The following CEP192 variants were observed in gnomAD, a reference collection of about 807,000 sequenced individuals.
The protein encoded by CEP192 is centrosomal protein of 192 kDa.
Under a neutral mutation model 271.8 loss-of-function variants are expected in CEP192, and 151 were observed. That is an observed-to-expected ratio of 0.56 (90% CI 0.49 to 0.64). The LOEUF is 0.64. Among genes scored for constraint, CEP192 ranks in the 30% least tolerant of loss-of-function variants. CEP192 has a pLI of 0.00. For synonymous variants in CEP192, 995 were observed against 1,076.5 expected (o/e 0.92, Z 1.48); for missense variants, 2,910 against 3,020.5 (o/e 0.96, Z 0.86).
rs2035507974 is a variant in CEP192, at chr18:13,029,725, T to C, written c.1113T>C (p.Ser371=). ...GGGCTATTGATGTGAAACTTAACTC[T>C]GATAATTTTCATGATGCAAATGCCA... ...TLRAIDVKLN[S]DNFHDANANR... Residue 371 remains serine, a synonymous_variant, in exon 10 of 45, where the codon TCT becomes TCC. Coordinates refer to ENST00000506447, the MANE Select transcript of CEP192 (RefSeq NM_032142.4). The C allele has an allele frequency of 1.3e-6, 2 of 1,551,492 alleles. No homozygotes were observed. Among genetic ancestry groups the C allele is most frequent in the Non-Finnish European group, 1.7e-6 (2 of 1,146,794 alleles).
At chr18:12,998,483 C>T (rs919729406) in intron 1 of CEP192, among the ~76,000 whole-genome samples, 1 of 152,168 alleles carries the variant, frequency 6.6e-6, no homozygotes, top group African/African-American at 2.4e-5. Context: ...TGTTTCTTCA[C>T]CTGTAAAATG....
At position 13,038,405 on chromosome 18, in the gene CEP192, A is replaced by C; in HGVS notation, c.1635A>C (p.Ala545=). 6.4e-7 allele frequency: 1 copy of C among 1,551,672 alleles called. No homozygotes were observed. Among genetic ancestry groups the C allele is most frequent in the Non-Finnish European group, 8.7e-7 (1 of 1,146,944 alleles). ...TAGATGCTCATAATACTTCGGTTGC[A>C]CTGGGCGATACGTCCTGGGGAGCTA... The part of the protein sequence containing the change: ...ENIDAHNTSV[A]LGDTSWGATI... The change falls in exon 13 of 45, where the codon GCA becomes GCC. Residue 545 remains alanine (A), a synonymous_variant. Transcript: ENST00000506447.
At chr18:13,053,335 G>C (rs2036904267) in intron 18 of CEP192, among the ~76,000 whole-genome samples, 1 of 152,220 alleles carries the variant, frequency 6.6e-6, no homozygotes, top group Admixed American at 6.5e-5. Flanking sequence ...GTAATGAAGT[G>C]CATCATGCTG....
intron 44 of CEP192, among the ~76,000 whole-genome samples, chr18:13,121,177 C>G (rs899900993): frequency 3.9e-5 from 6 of 152,222 alleles, no homozygotes; most frequent in Non-Finnish European, 7.3e-5. Context: ...GGCAGTGCAA[C>G]AAAATCTGTG....
intron 1 of CEP192, 54 bp from the exon 2 acceptor site, chr18:12,999,367 T>C: frequency 7.6e-7 from 1 of 1,310,102 alleles, no homozygotes; most frequent in Non-Finnish European, 1.0e-6. Flanking sequence ...TTTTAATCAT[T>C]TAAAAACATT....
Position 13,077,385 on chromosome 18 carries a change from A to G in CEP192, c.5616+4200A>G, listed in dbSNP as rs186978261. 1.4e-3 allele frequency among the ~76,000 whole-genome samples: 209 copies of G among 152,326 alleles called. 1 individual carries two copies. In the Middle Eastern group the frequency reaches 0.02, roughly 15 times the overall value. On this transcript the variant is annotated intron_variant, in intron 30 of 44. Coordinates refer to ENST00000506447, the MANE Select transcript of CEP192 (RefSeq NM_032142.4). ...ATTTTTGAATTAGGGATGTTCAGCC[A>G]GTATAATGCAGATATTCCCAAATCT...
chr18:13,057,065 C>CG (rs1328978662), intron 19 of CEP192, among the ~76,000 whole-genome samples: 1 of 152,112 alleles, frequency 6.6e-6, no homozygotes, highest in African/African-American at 2.4e-5. Flanking sequence ...GCAGCACTCT[C>CG]GGGTGCATTT....
At chr18:13,076,316 C>A (rs2038275500) in intron 30 of CEP192, among the ~76,000 whole-genome samples, 1 of 152,206 alleles carries the variant, frequency 6.6e-6, no homozygotes, top group Admixed American at 6.5e-5. Context: ...CCTCTGCCCC[C>A]CAGGTTCAAG....
chr18:13,045,204 T>C (rs2036410103), intron 15 of CEP192, among the ~76,000 whole-genome samples: 1 of 152,190 alleles, frequency 6.6e-6, no homozygotes, highest in Non-Finnish European at 1.5e-5. Context: ...CAATTCTGTT[T>C]GTCTTTCTAT....
chr18:13,096,412 C>T (rs2039402390), intron 36 of CEP192, 105 bp downstream of exon 36: 1 of 1,448,094 alleles, frequency 6.9e-7, no homozygotes, highest in South Asian at 1.3e-5. Context: ...TTGAATTTTG[C>T]ACCGTGCTGA....
At chr18:13,017,682 G>A (rs916229009) in intron 7 of CEP192, among the ~76,000 whole-genome samples, 1 of 152,028 alleles carries the variant, frequency 6.6e-6, no homozygotes, top group African/African-American at 2.4e-5. Flanking sequence ...CATTTCACTC[G>A]AATACTTCAG....
chr18:13,095,709 A>G (rs2039363542), intron 35 of CEP192, 28 bp downstream of exon 35: 1 of 1,601,818 alleles, frequency 6.2e-7, no homozygotes, highest in African/African-American at 1.3e-5. Flanking sequence ...GACACCTCAG[A>G]GGTGTGTTCC....
chr18:13,056,580 C>T lies in CEP192; in HGVS notation c.3990C>T (p.Asn1330=), dbSNP rs781532335. 2 of 1,614,162 alleles carry T rather than the reference C, an allele frequency of 1.2e-6. No individual in the cohort carries two copies. The highest frequency in any genetic ancestry group is 2.7e-5 in the African/African-American group (2 of 75,056). Residue 1330 remains asparagine, a synonymous_variant, in exon 19 of 45, where the codon AAC becomes AAT. Coordinates refer to ENST00000506447, the MANE Select transcript of CEP192 (RefSeq NM_032142.4). The part of the protein sequence containing the change: ...SGWMGTSSLC[N]PYSNTLNQNL... ...GGATGGGTACCTCTTCCCTCTGTAA[C>T]CCATATTCTAATACCTTAAATCAGA...
Position 13,048,990 on chromosome 18 carries a change from A to T in CEP192, c.2199A>T (p.Gln733His). 1.2e-6 allele frequency: 2 copies of T among 1,614,164 alleles called. No individual in the cohort carries two copies. Among genetic ancestry groups the T allele is most frequent in the Non-Finnish European group, 1.7e-6 (2 of 1,180,008 alleles). Residue 733 changes from glutamine (Q) to histidine (H), a missense_variant, in exon 16 of 45, where the codon CAA (glutamine) becomes CAT (histidine). Transcript: ENST00000506447. ...CATCAGTTAATACTGATCCTTCCCA[A>T]CTTGCTGCAATGATCAAGGCACTTT... The part of the protein sequence containing the change: ...AEASVNTDPS[Q>H]LAAMIKALSN...
intron 5 of CEP192, among the ~76,000 whole-genome samples, chr18:13,013,887 G>T (rs1009711956): frequency 6.6e-6 from 1 of 152,164 alleles, no homozygotes; most frequent in Admixed American, 6.5e-5. Flanking sequence ...AATGCAAAAG[G>T]GTCTAAAGTA....
At chr18:13,107,047 G>A (rs192223951) in intron 40 of CEP192, among the ~76,000 whole-genome samples, 32 of 152,314 alleles carry the variant, frequency 2.1e-4, no homozygotes, top group Admixed American at 1.7e-3. Context: ...TATTAATGCA[G>A]TGTCTGCCAT....
rs1214272581 is a variant in CEP192, at chr18:13,116,500, C to T, written c.7413C>T (p.His2471=). 6.3e-7 allele frequency: 1 copy of T among 1,598,044 alleles called. No individual in the cohort carries two copies. The highest frequency in any genetic ancestry group is 2.3e-5 in the East Asian group (1 of 44,360). ...TGCGAAATAATTCTTTTATTACACACTCAGTAAGTTGGAAATATTACTATG... is the reference window on the plus strand; with the variant it reads ...TGCGAAATAATTCTTTTATTACACATTCAGTAAGTTGGAAATATTACTATG... ...VNLRNNSFIT[H]SLKFLSPREP... Residue 2471 remains histidine (H), a synonymous_variant, in exon 43 of 45, where the codon CAC becomes CAT. Coordinates refer to ENST00000506447, the MANE Select transcript of CEP192 (RefSeq NM_032142.4).
At chr18:13,024,035 T>C (rs1044636281) in intron 9 of CEP192, among the ~76,000 whole-genome samples, 2 of 152,188 alleles carry the variant, frequency 1.3e-5, no homozygotes, top group African/African-American at 2.4e-5. Context: ...TGAGTTCAAC[T>C]GTGTTGTTAT....
In CEP192 at chr18:13,056,081, C is replaced by T. The variant is rs781032766; in HGVS notation, c.3491C>T (p.Pro1164Leu). The T allele has an allele frequency of 5.0e-6, 8 of 1,613,672 alleles. No homozygotes were observed. The highest frequency in any genetic ancestry group is 2.2e-5 in the East Asian group (1 of 44,896). The change falls in exon 19 of 45, where the codon CCG becomes CTG. Residue 1164 changes from proline to leucine, a missense_variant. Physicochemically the swap from Pro to Leu is moderately conservative, Grantham distance 98. Coordinates refer to ENST00000506447, the MANE Select transcript of CEP192 (RefSeq NM_032142.4). ...ACATCAAACCCTGAGGAATTGGACC[C>T]GATCAGGCTGGCTCTCCTGGGCAAG... ...GWTSNPEELD[P>L]IRLALLGKSG...
Sources: allele counts gnomAD v4.1 joint callset (sites outside exome capture counted in the v4.1 genomes callset), GRCh38; gene constraint gnomAD v4.1.1; transcripts MANE v1.5; gene names NCBI Gene and HGNC (gene_info 2026-07-23, HGNC 2026-07-21).